The following MED13 variants were observed in gnomAD, a reference collection of about 807,000 sequenced individuals.
MED13 encodes mediator of RNA polymerase II transcription subunit 13.
A neutral mutation model predicts 225.2 loss-of-function variants in MED13; 23 were observed. The ratio of observed to expected loss-of-function variants is 0.10; its 90% CI spans 0.07 to 0.14. The LOEUF is 0.14. Among genes scored for constraint, MED13 ranks in the 10% least tolerant of loss-of-function variants. MED13 has a pLI of 1.00. For synonymous variants in MED13, 942 were observed against 889.2 expected (o/e 1.06, Z -1.06); for missense variants, 2,197 against 2,594.5 (o/e 0.85, Z 3.33).
Position 61,960,999 on chromosome 17 carries a change from G to A in MED13, c.5348C>T (p.Ala1783Val). 6.2e-7 allele frequency: 1 copy of A among 1,613,908 alleles called. No individual in the cohort carries two copies. Among genetic ancestry groups the A allele is most frequent in the Non-Finnish European group, 8.5e-7 (1 of 1,179,924 alleles). Residue 1783 changes from alanine (A) to valine (V), a missense_variant, in exon 23 of 30, where the codon GCT becomes GTT. By Grantham distance (64) the Ala-to-Val change is moderately conservative (BLOSUM62 0). Coordinates refer to ENST00000397786, the MANE Select transcript of MED13 (RefSeq NM_005121.3). ...QTELGETFGE[A>V]GQKYNVLFVG... is the part of the protein sequence containing the mutation. ...AAAAAGAACATTATATTTCTGTCCA[G>A]CTTCTCCAAATGTTTCTCCTAGCTC...
Position 61,946,025 on chromosome 17 carries a change from A to G in MED13, c.*443T>C, listed in dbSNP as rs2079849254. On this transcript the variant is annotated 3_prime_UTR_variant, in exon 30 of 30. Transcript: ENST00000397786. ...TTATACATTTAAAAACTTACAATAAATAAGAGAAGAGATGCAGGCATTTTT... is the reference window on the plus strand; with the variant it reads ...TTATACATTTAAAAACTTACAATAAGTAAGAGAAGAGATGCAGGCATTTTT... 1 of 152,856 alleles carries G rather than the reference A, an allele frequency of 6.5e-6. No individual in the cohort carries two copies. Among genetic ancestry groups the G allele is most frequent in the Non-Finnish European group, 1.5e-5 (1 of 68,268 alleles). 9.5% of individuals were successfully genotyped at this position (152,856 alleles called of 1,614,324 possible). A position where few individuals can be genotyped will look rare whatever the true frequency, so the allele number is the denominator to read the frequency against.
rs1450106117 is a variant in MED13 at position 61,942,642 on chromosome 17, T to C, written c.*3826A>G. ...GAATAATTTATTCCATTTGAAGTTT[T>C]GTTTTTTGTTTTTGTTTTTTTTTTT... is the stretch of plus-strand genomic sequence containing the variant. On this transcript the variant is annotated 3_prime_UTR_variant, in exon 30 of 30. Transcript: ENST00000397786. 1 of 152,304 alleles carries C rather than the reference T, an allele frequency of 6.6e-6. No homozygotes were observed. The highest frequency in any genetic ancestry group is 2.4e-5 in the African/African-American group (1 of 41,372). The allele number at this position is 152,304 out of a possible 1,614,324, so 9.4% of individuals were successfully genotyped here.
chr17:61,964,797 G>A (rs547204675), intron 20 of MED13, among the ~76,000 whole-genome samples: 5 of 152,108 alleles, frequency 3.3e-5, no homozygotes, highest in South Asian at 4.2e-4. Flanking sequence ...TTAGCCAGGC[G>A]TGGTGGCACA....
At chr17:62,056,602 A>G (rs532256761) in intron 2 of MED13, among the ~76,000 whole-genome samples, 77 of 123,742 alleles carry the variant, frequency 6.2e-4, no homozygotes, top group African/African-American at 2.9e-3. Flanking sequence ...ACTCCAAAAA[A>G]CTTTTTTTAG....
chr17:61,973,000 A>G, intron 16 of MED13, 112 bp from the exon 17 acceptor site: 1 of 775,584 alleles, frequency 1.3e-6, no homozygotes, highest in Non-Finnish European at 2.0e-6. Flanking sequence ...CAGCATCAAG[A>G]AGATTAAACC....
At chr17:62,022,682 GA>G (rs970554706) in intron 8 of MED13, among the ~76,000 whole-genome samples, 1 of 151,970 alleles carries the variant, frequency 6.6e-6, no homozygotes, top group African/African-American at 2.4e-5. Context: ...CACATTAAGT[GA>G]AAAAAATTAG....
At chr17:61,957,871 T>C (rs943891572) in intron 23 of MED13, among the ~76,000 whole-genome samples, 5 of 151,982 alleles carry the variant, frequency 3.3e-5, no homozygotes, top group Non-Finnish European at 7.4e-5. Context: ...GGCTATTACT[T>C]TTTTTTCTTT....
rs1397697248 is a variant in MED13, at chr17:61,962,796, C to A, written c.5020G>T (p.Val1674Phe). 2 of 1,614,132 alleles carry A rather than the reference C, an allele frequency of 1.2e-6. No homozygotes were observed. The change falls in exon 21 of 30, where the codon GTC becomes TTC. Residue 1674 changes from valine to phenylalanine, a missense_variant. By Grantham distance (50) the Val-to-Phe change is conservative. Around this residue, in one of 12 missense-constraint regions of MED13, gnomAD observed 457 missense variants for 442.2 expected, o/e 1.03. Coordinates refer to ENST00000397786, the MANE Select transcript of MED13 (RefSeq NM_005121.3). ...LGLLRCFLEM[V>F]QTLPPHIKST... ...TTGATATGAGGAGGAAGAGTCTGGA[C>A]CATTTCTAGAAAGCATCGAAGTAGC...
chr17:62,029,328 C>A, intron 8 of MED13: 1 of 535,658 alleles, frequency 1.9e-6, no homozygotes. Context: ...CTTTCAGAGT[C>A]TGCCTCTGGT....
intron 1 of MED13, among the ~76,000 whole-genome samples, chr17:62,064,839 A>T (rs1603411123): frequency 6.6e-6 from 1 of 152,190 alleles, no homozygotes; most frequent in Admixed American, 6.5e-5. Flanking sequence ...TAAGCAAGAC[A>T]AGAGGGAAAG....
Position 62,011,075 on chromosome 17 carries a change from G to A in MED13, c.1442C>T (p.Ser481Phe), listed in dbSNP as rs777715308. The A allele has an allele frequency of 1.2e-6, 2 of 1,614,180 alleles. No homozygotes were observed. Among genetic ancestry groups the A allele is most frequent in the East Asian group, 2.2e-5 (1 of 44,886 alleles). Residue 481 changes from serine to phenylalanine, a missense_variant, in exon 9 of 30, where the codon TCT (serine) becomes TTT (phenylalanine). Physicochemically the swap from Ser to Phe is radical, Grantham distance 155. Transcript: ENST00000397786. ...GTCCATGCCAACATCATCACTAACAGACACACGATGGTGAAAAGGAGTCAA... is the reference window on the plus strand; with the variant it reads ...GTCCATGCCAACATCATCACTAACAAACACACGATGGTGAAAAGGAGTCAA... The part of the protein sequence containing the change: ...RPLTPFHHRV[S>F]VSDDVGMDAD...
chr17:62,064,600 T>A (rs2143795226), intron 1 of MED13, among the ~76,000 whole-genome samples: 1 of 152,298 alleles, frequency 6.6e-6, no homozygotes, highest in Admixed American at 6.5e-5. Context: ...ACCTACTGGC[T>A]TTTACAGAGA....
At chr17:61,980,473 A>C (rs926988441) in intron 16 of MED13, among the ~76,000 whole-genome samples, 43 of 152,106 alleles carry the variant, frequency 2.8e-4, no homozygotes, top group African/African-American at 1.0e-3. Flanking sequence ...TGTGTATCTG[A>C]TTTACTCCCC....
chr17:62,031,767 T>C (rs1199356610), intron 5 of MED13, 129 bp from the exon 6 acceptor site: 3 of 503,196 alleles, frequency 6.0e-6, no homozygotes, highest in Non-Finnish European at 9.4e-6. Flanking sequence ...TTTATAAATA[T>C]AAGCTTCTTT....
chr17:62,059,238 T>A (rs1431179791), intron 2 of MED13, among the ~76,000 whole-genome samples: 1 of 152,208 alleles, frequency 6.6e-6, no homozygotes, highest in African/African-American at 2.4e-5. Flanking sequence ...AGTTAATTTT[T>A]AAAAATACAC....
chr17:61,999,220 A>C (rs1160317035), intron 9 of MED13, among the ~76,000 whole-genome samples: 1 of 152,174 alleles, frequency 6.6e-6, no homozygotes, highest in African/African-American at 2.4e-5. Flanking sequence ...AGTTAATTCT[A>C]TTGATGAATA....
chr17:62,057,230 AT>A (rs1265261434), intron 2 of MED13, among the ~76,000 whole-genome samples: 2 of 152,176 alleles, frequency 1.3e-5, no homozygotes, highest in African/African-American at 2.4e-5. Context: ...ATAAAGAGAA[AT>A]GTTTAAATGC....
At chr17:62,015,942 ATATATATATATATTTTTTTTTTTTT>A (rs1215830381) in intron 8 of MED13, among the ~76,000 whole-genome samples, 8 of 10,036 alleles carry the variant, frequency 8.0e-4, no homozygotes, top group Admixed American at 3.3e-3. Context: ...ATATATATAT[ATATATATATATATTTTTTTTTTTTT>A]TTTTTTTTTT....
Position 62,033,879 on chromosome 17 carries a change from G to A in MED13, c.722C>T (p.Pro241Leu). The A allele has an allele frequency of 6.2e-7, 1 of 1,614,048 alleles. No individual in the cohort carries two copies. The highest frequency in any genetic ancestry group is 8.5e-7 in the Non-Finnish European group (1 of 1,179,980). Reference sequence around the variant, plus strand: ...CATCTCCTTCAAGCAACATGAGATAGGATAGAACTGTTTCCATTCACCAAT... The same window carrying A: ...CATCTCCTTCAAGCAACATGAGATAAGATAGAACTGTTTCCATTCACCAAT... ...KLIGEWKQFY[P>L]ISCCLKEMSE... The change falls in exon 5 of 30, where the codon CCT (proline) becomes CTT (leucine). Residue 241 changes from proline to leucine, a missense_variant. Transcript: ENST00000397786.
Sources: allele counts gnomAD v4.1 joint callset (sites outside exome capture counted in the v4.1 genomes callset), GRCh38; gene constraint gnomAD v4.1.1; regional missense constraint gnomAD v4.1.1; transcripts MANE v1.5; gene names NCBI Gene and HGNC (gene_info 2026-07-23, HGNC 2026-07-21).